Variants in XYLT1 observed in about 807,000 individuals in gnomAD.
XYLT1 encodes beta-D-xylosyltransferase 1.
XYLT1 carries 36 observed loss-of-function variants against 91.3 expected under a neutral mutation model. That is an observed-to-expected ratio of 0.39 (90% confidence interval 0.30 to 0.52). The LOEUF (loss-of-function observed/expected upper bound fraction) is 0.52. Ranked by LOEUF, XYLT1 falls within the 20% of genes least tolerant of loss-of-function variation. The pLI is 0.68. For missense variants in XYLT1, 1,242 were observed against 1,284.5 expected (o/e 0.97, Z 0.51); for synonymous variants, 588 against 532.0 (o/e 1.11, Z -1.45).
At chr16:17,113,860 C>T (rs1306719842) in intron 11 of XYLT1, among the ~76,000 whole-genome samples, 1 of 152,274 alleles carries the variant, frequency 6.6e-6, no homozygotes, top group Non-Finnish European at 1.5e-5. Context: ...GTAGCATCTT[C>T]ACAGGAAGGT....
In XYLT1 at chr16:17,456,184, G is replaced by A. The variant is rs554957885; in HGVS notation, c.363+14250C>T. 6.9e-4 allele frequency among the ~76,000 whole-genome samples: 105 copies of A among 151,788 alleles called. 1 individual carries two copies. In the South Asian group the frequency reaches 0.017, roughly 24 times the overall value. On this transcript the variant is annotated intron_variant, in intron 1 of 11. Transcript: ENST00000261381. ...GACTTTCAGCTTCCTAGATGTCCAC[G>A]TCCACAGTCAGTTTCACACTCGACC...
At chr16:17,364,135 A>G (rs914970685) in intron 1 of XYLT1, among the ~76,000 whole-genome samples, 2 of 152,176 alleles carry the variant, frequency 1.3e-5, no homozygotes, top group African/African-American at 4.8e-5. Flanking sequence ...TGGGGGTACA[A>G]TTCAGTCCAT....
chr16:17,453,457 C>T (rs568786809), intron 1 of XYLT1, among the ~76,000 whole-genome samples: 4 of 152,202 alleles, frequency 2.6e-5, no homozygotes, highest in Non-Finnish European at 5.9e-5. Flanking sequence ...ACTCTTCCAA[C>T]CCTGTCAGTG....
intron 2 of XYLT1, among the ~76,000 whole-genome samples, chr16:17,351,751 G>GGGGC: frequency 6.7e-6 from 1 of 149,500 alleles, no homozygotes; most frequent in Middle Eastern, 3.4e-3. Context: ...TTTTTTTTTG[G>GGGGC]GGGGGGGTGC....
intron 3 of XYLT1, among the ~76,000 whole-genome samples, chr16:17,229,497 T>C (rs551482875): frequency 6.6e-6 from 1 of 152,340 alleles, no homozygotes; most frequent in Non-Finnish European, 1.5e-5. Context: ...CCCAGCCTTA[T>C]GGCTTATGCT....
rs1426549427 is a variant in XYLT1, at chr16:17,134,405, C to G, written c.2027+68G>C. On this transcript the variant is annotated intron_variant, in intron 9 of 11. Coordinates refer to ENST00000261381, the MANE Select transcript of XYLT1 (RefSeq NM_022166.4). ...GATCCCTAAAGAGGAAGAAGGACCCCCACTCTGTACCCTGAGCCTCCCCTC... is the reference window on the plus strand; with the variant it reads ...GATCCCTAAAGAGGAAGAAGGACCCGCACTCTGTACCCTGAGCCTCCCCTC... 9 of 1,577,328 alleles carry G rather than the reference C, an allele frequency of 5.7e-6. No homozygotes were observed. In the East Asian group the frequency reaches 1.8e-4, roughly 31 times the overall value.
chr16:17,207,119 G>A (rs2032664352), intron 3 of XYLT1, among the ~76,000 whole-genome samples: 1 of 142,976 alleles, frequency 7.0e-6, no homozygotes, highest in Admixed American at 7.3e-5. Flanking sequence ...GTGCAATGGT[G>A]CAATCTTGGC....
intron 5 of XYLT1, among the ~76,000 whole-genome samples, chr16:17,168,088 G>T (rs72777715): frequency 1.6e-4 from 25 of 152,164 alleles, no homozygotes; most frequent in African/African-American, 6.0e-4. Flanking sequence ...AAGAGCAAAA[G>T]AACTGGAAAA....
At chr16:17,157,092 T>G (rs1217604766) in intron 6 of XYLT1, among the ~76,000 whole-genome samples, 1 of 151,862 alleles carries the variant, frequency 6.6e-6, no homozygotes, top group African/African-American at 2.4e-5. Flanking sequence ...GGATTATAGG[T>G]GTGCACCACC....
rs560154662 is a variant in XYLT1 at position 17,257,633 on chromosome 16, T to C, written c.913+1355A>G. On this transcript the variant is annotated intron_variant, in intron 3 of 11. Coordinates refer to ENST00000261381, the MANE Select transcript of XYLT1 (RefSeq NM_022166.4). ...CACGAGTCAATAAACAGCGACCACG[T>C]GGCTGGGTGATGGTACATTGGGGTT... 4.6e-5 allele frequency among the ~76,000 whole-genome samples: 7 copies of C among 152,268 alleles called. No homozygotes were observed. The East Asian group carries it at 1.4e-3, about 29-fold the overall frequency.
chr16:17,429,759 T>C (rs538800795), intron 1 of XYLT1, among the ~76,000 whole-genome samples: 2 of 152,166 alleles, frequency 1.3e-5, no homozygotes, highest in Non-Finnish European at 2.9e-5. Context: ...AGCTGAGACA[T>C]CCATCTCACC....
intron 1 of XYLT1, among the ~76,000 whole-genome samples, chr16:17,462,666 G>A (rs550711676): frequency 6.6e-6 from 1 of 152,178 alleles, no homozygotes; most frequent in Non-Finnish European, 1.5e-5. Flanking sequence ...TGAAGGAATG[G>A]AGCAGCAGGA....
chr16:17,276,151 T>C (rs2141778880), intron 2 of XYLT1, among the ~76,000 whole-genome samples: 1 of 152,336 alleles, frequency 6.6e-6, no homozygotes, highest in African/African-American at 2.4e-5. Context: ...ATTTTTACTA[T>C]GCAGAGGTAC....
At chr16:17,138,225 T>TTC in intron 8 of XYLT1, 130 bp downstream of exon 8, 1 of 738,652 alleles carries the variant, frequency 1.4e-6, no homozygotes, top group East Asian at 3.4e-5. Context: ...CTGTTAACTA[T>TTC]TATTAATTAT....
At chr16:17,244,214 T>G (rs1018438061) in intron 3 of XYLT1, among the ~76,000 whole-genome samples, 1 of 152,058 alleles carries the variant, frequency 6.6e-6, no homozygotes, top group Non-Finnish European at 1.5e-5. Context: ...CTGGCAGAAG[T>G]GTGATTTCTC....
chr16:17,199,212 C>G (rs1314468598), intron 4 of XYLT1, among the ~76,000 whole-genome samples: 1 of 152,188 alleles, frequency 6.6e-6, no homozygotes, highest in Admixed American at 6.5e-5. Flanking sequence ...TAGAAGCCGA[C>G]CTTTTGGACA....
At chr16:17,251,785 C>G (rs1191972711) in intron 3 of XYLT1, among the ~76,000 whole-genome samples, 1 of 152,148 alleles carries the variant, frequency 6.6e-6, no homozygotes, top group Non-Finnish European at 1.5e-5. Context: ...AGAGATGCAC[C>G]CTTCACCCAG....
At chr16:17,121,394 G>A (rs895021520) in intron 10 of XYLT1, among the ~76,000 whole-genome samples, 2 of 152,130 alleles carry the variant, frequency 1.3e-5, no homozygotes, top group African/African-American at 4.8e-5. Context: ...CCCTGCTGCT[G>A]TCACATCCTC....
At chr16:17,378,854 T>C (rs1311863531) in intron 1 of XYLT1, among the ~76,000 whole-genome samples, 4 of 152,204 alleles carry the variant, frequency 2.6e-5, no homozygotes, top group African/African-American at 7.2e-5. Context: ...TAAGCTCAGA[T>C]TAAAACCCAC....
Sources: allele counts gnomAD v4.1 joint callset (sites outside exome capture counted in the v4.1 genomes callset), GRCh38; gene constraint gnomAD v4.1.1; transcripts MANE v1.5; gene names NCBI Gene and HGNC (gene_info 2026-07-23, HGNC 2026-07-21).